The following ZMAT4 variants were observed in gnomAD, a reference collection of about 807,000 sequenced individuals.
The protein encoded by ZMAT4 is zinc finger matrin-type 4.
ZMAT4 carries 17 observed loss-of-function variants against 28.7 expected under a neutral mutation model. The observed-to-expected ratio is 0.59, with a 90% CI of 0.41 to 0.89. The LOEUF (loss-of-function observed/expected upper bound fraction) is 0.89. Among genes scored for constraint, ZMAT4 ranks in the 40% least tolerant of loss-of-function variants. The pLI is 0.00. For synonymous variants in ZMAT4, 117 were observed against 109.2 expected, an observed-to-expected ratio of 1.07 and a Z score of -0.44; for missense variants, 240 against 283.8, an observed-to-expected ratio of 0.85 and a Z score of 1.11.
At chr8:40,694,005 T>C (rs1809768035) in intron 4 of ZMAT4, among the ~76,000 whole-genome samples, 1 of 152,220 alleles carries the variant, frequency 6.6e-6, no homozygotes, top group South Asian at 2.1e-4. Context: ...GGGGGCAGCA[T>C]ACCTGAGCAA....
In ZMAT4 at chr8:40,736,830, C is replaced by T. The variant is rs551215950; in HGVS notation, c.192+30811G>A. Among the ~76,000 whole-genome samples, 4 of 151,984 alleles carry T rather than the reference C, an allele frequency of 2.6e-5. No homozygotes were observed. In the South Asian group the frequency reaches 6.2e-4, roughly 24 times the overall value. ...ACGGGTGGAAGAAAGAGATGAGGGG[C>T]TAAGCAGCTAACAACAGAGACGAGG... On this transcript the variant is annotated intron_variant, in intron 3 of 6. Transcript: ENST00000297737.
chr8:40,636,314 T>C (rs1806790295), intron 5 of ZMAT4, among the ~76,000 whole-genome samples: 2 of 152,162 alleles, frequency 1.3e-5, no homozygotes, highest in African/African-American at 4.8e-5. Flanking sequence ...GCAGTAGGGG[T>C]TGAAGTATGG....
At chr8:40,554,512 A>G (rs1195868696) in intron 6 of ZMAT4, among the ~76,000 whole-genome samples, 1 of 152,150 alleles carries the variant, frequency 6.6e-6, no homozygotes, top group Non-Finnish European at 1.5e-5. Flanking sequence ...TGTGGAAATC[A>G]AGCAAAAACC....
chr8:40,601,859 T>C (rs947404438), intron 5 of ZMAT4, among the ~76,000 whole-genome samples: 1 of 152,196 alleles, frequency 6.6e-6, no homozygotes, highest in South Asian at 2.1e-4. Flanking sequence ...ACAGATGTTT[T>C]TGTTTTTATT....
intron 2 of ZMAT4, among the ~76,000 whole-genome samples, chr8:40,775,106 G>T (rs1248494772): frequency 6.6e-6 from 1 of 152,200 alleles, no homozygotes; most frequent in African/African-American, 2.4e-5. Flanking sequence ...CACAATGCCT[G>T]ACACATGGCC....
chr8:40,881,547 AAAG>A (rs1818256799), intron 1 of ZMAT4, among the ~76,000 whole-genome samples: 4 of 82,136 alleles, frequency 4.9e-5, no homozygotes, highest in African/African-American at 1.5e-4. Context: ...AGAAAGAAAG[AAAG>A]AAAGAAAGAA....
intron 1 of ZMAT4, among the ~76,000 whole-genome samples, chr8:40,846,669 C>A (rs1407706392): frequency 2.6e-5 from 4 of 152,186 alleles, no homozygotes; most frequent in African/African-American, 9.7e-5. Flanking sequence ...GAGACTGACT[C>A]AGGAACTGCA....
At chr8:40,874,217 C>T (rs538006565) in intron 1 of ZMAT4, among the ~76,000 whole-genome samples, 10 of 152,340 alleles carry the variant, frequency 6.6e-5, no homozygotes, top group African/African-American at 2.2e-4. Context: ...GTGCCCAGTG[C>T]TCCTCCAGAG....
At position 40,586,737 on chromosome 8, in the gene ZMAT4, C is replaced by T. The variant is rs76363659; in HGVS notation, c.578-5476G>A. Among the ~76,000 whole-genome samples the T allele has an allele frequency of 7.9e-5, 12 of 152,220 alleles. No individual in the cohort carries two copies. The East Asian group carries it at 2.1e-3, about 27-fold the overall frequency. ...CTACATTAGAGACATATCATTGAGC[C>T]TTTATTACTGTGTGAGATATTTTGC... On this transcript the variant is annotated intron_variant, in intron 5 of 6. Transcript: ENST00000297737.
chr8:40,749,171 T>C (rs1812359968), intron 3 of ZMAT4, among the ~76,000 whole-genome samples: 1 of 152,082 alleles, frequency 6.6e-6, no homozygotes, highest in African/African-American at 2.4e-5. Flanking sequence ...CAGTCTTGGG[T>C]ATGTCTTTAT....
chr8:40,665,508 A>G (rs1464237053), intron 5 of ZMAT4, among the ~76,000 whole-genome samples: 3 of 152,184 alleles, frequency 2.0e-5, no homozygotes, highest in African/African-American at 4.8e-5. Flanking sequence ...TAGTGACTAC[A>G]GTTCTTTGCA....
intron 3 of ZMAT4, among the ~76,000 whole-genome samples, chr8:40,716,934 C>A (rs1445556629): frequency 6.6e-6 from 1 of 152,156 alleles, no homozygotes; most frequent in African/African-American, 2.4e-5. Context: ...CTTTTCTCCT[C>A]CTGTTCCCTG....
At chr8:40,814,029 G>A (rs1815434822) in intron 2 of ZMAT4, among the ~76,000 whole-genome samples, 1 of 152,224 alleles carries the variant, frequency 6.6e-6, no homozygotes, top group Non-Finnish European at 1.5e-5. Context: ...GTGGAGAGGA[G>A]TCATGGGAGC....
Position 40,684,875 on chromosome 8 carries a change from C to T in ZMAT4, c.350-9944G>A, listed in dbSNP as rs115767772. Among the ~76,000 whole-genome samples the T allele has an allele frequency of 9.9e-3, 1,507 of 152,122 alleles. 15 individuals carry two copies. The highest frequency in any genetic ancestry group is 0.032 in the African/African-American group (1,329 of 41,506). ...TGAGTGGAATGCCTGTGTCTATAAC[C>T]GCTCTTCAGCTACCACCCCCACCCC... On this transcript the variant is annotated intron_variant, in intron 4 of 6. Coordinates refer to ENST00000297737, the MANE Select transcript of ZMAT4 (RefSeq NM_024645.3).
intron 1 of ZMAT4, among the ~76,000 whole-genome samples, chr8:40,891,042 C>T (rs751672533): frequency 6.6e-6 from 1 of 151,072 alleles, no homozygotes; most frequent in East Asian, 2.0e-4. Context: ...GCATCAAAAT[C>T]GAGGGCGGGG....
chr8:40,589,215 C>T (rs1563353532), intron 5 of ZMAT4, among the ~76,000 whole-genome samples: 2 of 152,142 alleles, frequency 1.3e-5, no homozygotes, highest in South Asian at 2.1e-4. Context: ...GGGGTAGATA[C>T]TATTGTTATA....
intron 1 of ZMAT4, among the ~76,000 whole-genome samples, chr8:40,843,137 G>T (rs1246997186): frequency 1.3e-5 from 2 of 152,214 alleles, no homozygotes; most frequent in African/African-American, 4.8e-5. Flanking sequence ...GCAAGCCCCT[G>T]ACAGAGAGGC....
rs537056475 is a variant in ZMAT4 at position 40,826,545 on chromosome 8, G to A, written c.-4-865C>T. ...TTAGCTTTGTCTAGAGCCTTTAAGC[G>A]GTATAAAATCTAGTTTAGAGTTAAA... On this transcript the variant is annotated intron_variant, in intron 1 of 6. Transcript: ENST00000297737. Among the ~76,000 whole-genome samples the A allele has an allele frequency of 5.9e-5, 9 of 152,076 alleles. No homozygotes were observed. In the East Asian group the frequency reaches 7.7e-4, roughly 13 times the overall value.
intron 2 of ZMAT4, among the ~76,000 whole-genome samples, chr8:40,823,592 G>A (rs1351647183): frequency 1.3e-5 from 2 of 152,138 alleles, no homozygotes; most frequent in African/African-American, 4.8e-5. Flanking sequence ...CCTAGAGGAG[G>A]AGGTTGCAGT....
Sources: gnomAD v4.1 joint callset for allele counts (sites outside exome capture counted in the v4.1 genomes callset) on GRCh38, gnomAD v4.1.1 for gene constraint, MANE v1.5 for transcripts, NCBI Gene and HGNC (gene_info 2026-07-23, HGNC 2026-07-21) for gene names.